GLTP: variants seen among roughly 807,000 people sequenced by gnomAD.
GLTP encodes glycolipid transfer protein.
In GLTP, 22 loss-of-function variants were observed where a neutral mutation model predicts 24.0. The ratio of observed to expected loss-of-function variants is 0.92; its 90% CI spans 0.65 to 1.31. The LOEUF (loss-of-function observed/expected upper bound fraction) is 1.31, where lower values mean the gene tolerates loss of function less well. Ranked by LOEUF, GLTP falls within the 50% of genes most tolerant of loss-of-function variation. The pLI is 0.00. For synonymous variants in GLTP, 92 were observed against 115.9 expected (o/e 0.79, Z 1.33); for missense variants, 224 against 276.6 (o/e 0.81, Z 1.35).
chr12:109,853,479 A>T (rs1394415828), intron 4 of GLTP, among the ~76,000 whole-genome samples: 3 of 151,916 alleles, frequency 2.0e-5, no homozygotes, highest in Non-Finnish European at 4.4e-5. Flanking sequence ...TCACAAGATC[A>T]GGAGTTCGAG....
intron 1 of GLTP, among the ~76,000 whole-genome samples, chr12:109,875,865 C>G (rs1341310546): frequency 6.6e-6 from 1 of 152,240 alleles, no homozygotes; most frequent in Non-Finnish European, 1.5e-5. Flanking sequence ...TGTGGCTGCT[C>G]TAACAGGTTA....
intron 1 of GLTP, among the ~76,000 whole-genome samples, chr12:109,875,856 G>A (rs1868863678): frequency 6.6e-6 from 1 of 152,228 alleles, no homozygotes; most frequent in Non-Finnish European, 1.5e-5. Context: ...TTTAAGAAAT[G>A]TGGCTGCTCT....
At chr12:109,876,576 G>C (rs1197479448) in intron 1 of GLTP, among the ~76,000 whole-genome samples, 4 of 145,984 alleles carry the variant, frequency 2.7e-5, no homozygotes, top group African/African-American at 1.0e-4. Context: ...AAGAGAAAGA[G>C]GAAGGAAGGG....
At chr12:109,863,530 G>C (rs1393274963) in intron 1 of GLTP, among the ~76,000 whole-genome samples, 1 of 152,184 alleles carries the variant, frequency 6.6e-6, no homozygotes, top group African/African-American at 2.4e-5. Flanking sequence ...GGGAAACGTG[G>C]AATCTGTCAG....
chr12:109,874,894 G>A (rs1868836353), intron 1 of GLTP, among the ~76,000 whole-genome samples: 1 of 152,092 alleles, frequency 6.6e-6, no homozygotes, highest in South Asian at 2.1e-4. Context: ...CGAGTAGTTG[G>A]GATTACAGGA....
At position 109,867,752 on chromosome 12, in the gene GLTP, C is replaced by T. The variant is rs1483909821; in HGVS notation, c.104-9011G>A. On this transcript the variant is annotated intron_variant, in intron 1 of 4. Coordinates refer to ENST00000318348, the MANE Select transcript of GLTP (RefSeq NM_016433.4). ...AGGATGGGGTATAGTGGCACAATCACAGCTCACTGCAGCTTTTTCTTTTCT... is the reference window on the plus strand; with the variant it reads ...AGGATGGGGTATAGTGGCACAATCATAGCTCACTGCAGCTTTTTCTTTTCT... Among the ~76,000 whole-genome samples, 5 of 151,716 alleles carry T rather than the reference C, an allele frequency of 3.3e-5. No homozygotes were observed. The South Asian group carries it at 8.3e-4, about 25-fold the overall frequency.
chr12:109,867,460 G>A (rs781740412), intron 1 of GLTP, among the ~76,000 whole-genome samples: 14 of 152,022 alleles, frequency 9.2e-5, no homozygotes, highest in Non-Finnish European at 1.8e-4. Context: ...AATTCTTATA[G>A]ATACTTAAAT....
chr12:109,852,849 G>C (rs1012865582), intron 4 of GLTP, 112 bp from the exon 5 acceptor site: 7 of 666,500 alleles, frequency 1.1e-5, no homozygotes, highest in Non-Finnish European at 1.8e-5. Context: ...TGGACAGGGG[G>C]TTGTGCTATT....
intron 1 of GLTP, among the ~76,000 whole-genome samples, chr12:109,872,007 G>A (rs1300603795): frequency 6.6e-6 from 1 of 152,234 alleles, no homozygotes; most frequent in Non-Finnish European, 1.5e-5. Context: ...CCTTCTGGCA[G>A]CAGAGAGGCC....
chr12:109,862,402 T>C (rs188447141), intron 1 of GLTP, among the ~76,000 whole-genome samples: 106 of 152,238 alleles, frequency 7.0e-4, no homozygotes, highest in African/African-American at 2.1e-3. Context: ...TCAACTTACA[T>C]AATAACGCCG....
At chr12:109,858,144 T>C in intron 2 of GLTP, 1 of 457,798 alleles carries the variant, frequency 2.2e-6, no homozygotes, top group Non-Finnish European at 4.4e-6. Context: ...ACGTACTTGC[T>C]TGTGACCTTA....
Position 109,876,057 on chromosome 12 carries a change from A to C in GLTP, c.103+4215T>G, listed in dbSNP as rs988681621. ...AAATTATACCACATTGAGATGATAC[A>C]ATCGGCCAGGTGCAGTGGCTCACAC... On this transcript the variant is annotated intron_variant, in intron 1 of 4. Transcript: ENST00000318348. 3.9e-5 allele frequency among the ~76,000 whole-genome samples: 6 copies of C among 152,300 alleles called. 1 individual carries two copies. The highest frequency in any genetic ancestry group is 1.4e-4 in the African/African-American group (6 of 41,576).
chr12:109,852,472 C>A lies in GLTP; in HGVS notation c.*83G>T. On this transcript the variant is annotated 3_prime_UTR_variant, in exon 5 of 5. Coordinates refer to ENST00000318348, the MANE Select transcript of GLTP (RefSeq NM_016433.4). ...TGGGGGACACAGGCCAGGGGCAGTTCACCGACTTGATTCACAGTGATTCTG... is the reference window on the plus strand; with the variant it reads ...TGGGGGACACAGGCCAGGGGCAGTTAACCGACTTGATTCACAGTGATTCTG... The A allele has an allele frequency of 2.2e-6, 2 of 897,894 alleles. No homozygotes were observed. The highest frequency in any genetic ancestry group is 3.0e-5 in the South Asian group (2 of 67,766). 55.6% of individuals were successfully genotyped at this position (897,894 alleles called of 1,614,324 possible).
chr12:109,863,345 T>C (rs1239598742), intron 1 of GLTP, among the ~76,000 whole-genome samples: 1 of 152,228 alleles, frequency 6.6e-6, no homozygotes, highest in African/African-American at 2.4e-5. Context: ...GTGATCATAG[T>C]CACATGTGTT....
chr12:109,879,409 G>A (rs1235517360), intron 1 of GLTP, among the ~76,000 whole-genome samples: 1 of 152,172 alleles, frequency 6.6e-6, no homozygotes, highest in East Asian at 1.9e-4. Context: ...GCCTTGGCTG[G>A]ACTGGGCTAG....
intron 1 of GLTP, among the ~76,000 whole-genome samples, chr12:109,878,355 T>C (rs9888307): frequency 0.031 from 4,671 of 152,310 alleles, 244 homozygotes; most frequent in African/African-American, 0.11. Context: ...CATTCTTTGT[T>C]GTGGCAGGAC....
intron 2 of GLTP, chr12:109,858,136 G>T: frequency 1.1e-5 from 5 of 457,906 alleles, no homozygotes; most frequent in South Asian, 7.7e-5. Context: ...GCTTTGCCAC[G>T]TACTTGCTTG....
intron 3 of GLTP, among the ~76,000 whole-genome samples, chr12:109,856,515 T>A (rs532915661): frequency 6.6e-6 from 1 of 152,270 alleles, no homozygotes; most frequent in South Asian, 2.1e-4. Flanking sequence ...AAAGGCTCAG[T>A]CACAGGCCAG....
In GLTP at chr12:109,880,291, G is replaced by A; in HGVS notation, c.84C>T (p.Ser28=). ...GCTCACCGAAGAAGGGCGGCAGGTG[G>A]GACACCGCCTCGAGGAAGGGCCCGG... The part of the protein sequence containing the change: ...IETGPFLEAV[S]HLPPFFDCLG... Residue 28 remains serine (S), a synonymous_variant, in exon 1 of 5, where the codon TCC becomes TCT. Transcript: ENST00000318348. The surrounding 1 kb of genome is among the most constrained non-coding windows in gnomAD (Gnocchi z 5.1). The A allele has an allele frequency of 6.2e-7, 1 of 1,602,992 alleles. No individual in the cohort carries two copies. Among genetic ancestry groups the A allele is most frequent in the East Asian group, 2.3e-5 (1 of 44,404 alleles).
Sources: allele counts gnomAD v4.1 joint callset (sites outside exome capture counted in the v4.1 genomes callset), GRCh38; gene constraint gnomAD v4.1.1; non-coding constraint Gnocchi (gnomAD v3.1); transcripts MANE v1.5; gene names NCBI Gene and HGNC (gene_info 2026-07-23, HGNC 2026-07-21).